Variants in IPCEF1 observed in about 807,000 individuals in gnomAD.
The protein encoded by IPCEF1 is interaction protein for cytohesin exchange factors 1, also known as interactor protein for cytohesin exchange factors 1.
IPCEF1 carries 31 observed loss-of-function variants against 50.9 expected under a neutral mutation model. The observed-to-expected ratio is 0.61, with a 90% confidence interval of 0.46 to 0.82. The LOEUF is 0.82. IPCEF1 is among the 40% of genes least tolerant of loss of function. IPCEF1 has a pLI of 0.00. For missense variants in IPCEF1, 458 were observed against 514.0 expected (o/e 0.89, Z 1.05); for synonymous variants, 181 against 192.0 (o/e 0.94, Z 0.47).
chr6:154,345,848 T>C (rs1334401446), intron 1 of IPCEF1, among the ~76,000 whole-genome samples: 1 of 106,678 alleles, frequency 9.4e-6, no homozygotes, highest in Non-Finnish European at 2.4e-5. Context: ...AATACACTTT[T>C]ATCTCATTTT....
chr6:154,259,570 T>G (rs983708244), intron 3 of IPCEF1, among the ~76,000 whole-genome samples: 21 of 152,066 alleles, frequency 1.4e-4, no homozygotes, highest in African/African-American at 5.1e-4. Context: ...GAAAATCACT[T>G]GAACCTGGGA....
intron 7 of IPCEF1, among the ~76,000 whole-genome samples, chr6:154,218,719 C>T (rs138865945): frequency 2.5e-3 from 388 of 152,266 alleles, no homozygotes; most frequent in African/African-American, 9.0e-3. Context: ...TAATGAAACT[C>T]TATAATGATA....
intron 9 of IPCEF1, among the ~76,000 whole-genome samples, chr6:154,208,755 A>C (rs181995320): frequency 1.8e-4 from 27 of 152,364 alleles, no homozygotes; most frequent in Non-Finnish European, 3.7e-4. Context: ...TTTGTAGCTT[A>C]TAAAATTATC....
At chr6:154,221,521 TTA>T (rs1778856810) in intron 6 of IPCEF1, among the ~76,000 whole-genome samples, 193 bp from the exon 7 acceptor site, 1 of 152,234 alleles carries the variant, frequency 6.6e-6, no homozygotes, top group Non-Finnish European at 1.5e-5. Flanking sequence ...AGTCAATTTT[TTA>T]TGTCAGAACG....
intron 1 of IPCEF1, among the ~76,000 whole-genome samples, chr6:154,294,866 C>T (rs543998245): frequency 6.6e-6 from 1 of 152,056 alleles, no homozygotes; most frequent in Non-Finnish European, 1.5e-5. Flanking sequence ...AGTGAAACCC[C>T]ATCTCTTTTA....
chr6:154,349,528 C>T (rs1001771743), intron 1 of IPCEF1, among the ~76,000 whole-genome samples: 1 of 152,044 alleles, frequency 6.6e-6, no homozygotes, highest in African/African-American at 2.4e-5. Flanking sequence ...GATCCTCACA[C>T]CTCAGACTCC....
At chr6:154,336,002 T>C (rs554800932) in intron 1 of IPCEF1, among the ~76,000 whole-genome samples, 2 of 152,248 alleles carry the variant, frequency 1.3e-5, no homozygotes, top group East Asian at 1.9e-4. Flanking sequence ...ATGGCTATTA[T>C]TTAAAAAACA....
intron 2 of IPCEF1, among the ~76,000 whole-genome samples, chr6:154,282,501 T>A (rs1207381311): frequency 2.0e-5 from 3 of 151,938 alleles, no homozygotes; most frequent in Non-Finnish European, 2.9e-5. Context: ...GCTAACACGG[T>A]GAAACCCTAT....
At chr6:154,338,619 A>G (rs529141627) in intron 1 of IPCEF1, among the ~76,000 whole-genome samples, 2 of 152,322 alleles carry the variant, frequency 1.3e-5, no homozygotes, top group South Asian at 4.1e-4. Context: ...GTGGGCTGAT[A>G]AACGTCTGAT....
chr6:154,304,851 C>T (rs921153893), intron 1 of IPCEF1, among the ~76,000 whole-genome samples: 20 of 152,170 alleles, frequency 1.3e-4, no homozygotes, highest in Non-Finnish European at 2.2e-4. Flanking sequence ...CGGTGGCTCA[C>T]GCCTGTAATC....
chr6:154,206,900 A>G (rs1180452781), intron 9 of IPCEF1, among the ~76,000 whole-genome samples: 1 of 152,238 alleles, frequency 6.6e-6, no homozygotes, highest in Non-Finnish European at 1.5e-5. Context: ...CAAGACTGCA[A>G]TGGCAGCCTG....
intron 1 of IPCEF1, among the ~76,000 whole-genome samples, chr6:154,292,807 C>A (rs1450191281): frequency 6.6e-6 from 1 of 151,998 alleles, no homozygotes; most frequent in East Asian, 1.9e-4. Context: ...TAAAAGTGGG[C>A]GATATGTTAA....
intron 1 of IPCEF1, among the ~76,000 whole-genome samples, chr6:154,297,827 T>C (rs967793513): frequency 6.6e-6 from 1 of 152,226 alleles, no homozygotes; most frequent in Non-Finnish European, 1.5e-5. Flanking sequence ...TTTTGGCTGC[T>C]TGAGAAGTCA....
intron 4 of IPCEF1, chr6:154,246,978 C>G: frequency 2.1e-6 from 1 of 481,450 alleles, no homozygotes; most frequent in Non-Finnish European, 3.4e-6. Flanking sequence ...TATTTTTAAA[C>G]ATTTGTTTCA....
chr6:154,222,128 G>A (rs1305868289), intron 6 of IPCEF1, among the ~76,000 whole-genome samples: 1 of 152,150 alleles, frequency 6.6e-6, no homozygotes, highest in African/African-American at 2.4e-5. Context: ...CTTATTCAAG[G>A]CACCCTTTGT....
intron 3 of IPCEF1, among the ~76,000 whole-genome samples, chr6:154,262,863 A>C (rs1583919078): frequency 7.5e-6 from 1 of 133,900 alleles, no homozygotes; most frequent in South Asian, 2.3e-4. Flanking sequence ...TGCAACCTCC[A>C]CCTCCCGGGT....
chr6:154,315,006 G>A (rs1198096182), intron 1 of IPCEF1, among the ~76,000 whole-genome samples: 4 of 151,570 alleles, frequency 2.6e-5, no homozygotes, highest in Non-Finnish European at 4.4e-5. Context: ...TTAGCCTCCC[G>A]AGTAGCTGAG....
At position 154,271,869 on chromosome 6, in the gene IPCEF1, C is replaced by A. The variant is rs868445567; in HGVS notation, c.-17-5905G>T. On this transcript the variant is annotated intron_variant, in intron 2 of 11. Coordinates refer to ENST00000367220, the MANE Select transcript of IPCEF1 (RefSeq NM_001130700.2). ...GGGTATGGTGATGTGCACCTGTAGC[C>A]CCAGCTACTCAGGAGGCTAAGGTGG... Among the ~76,000 whole-genome samples the A allele has an allele frequency of 5.9e-5, 9 of 152,220 alleles. 1 individual carries two copies. In the Middle Eastern group the frequency reaches 0.014, roughly 230 times the overall value.
At chr6:154,208,956 T>A (rs1399386174) in intron 9 of IPCEF1, among the ~76,000 whole-genome samples, 1 of 152,198 alleles carries the variant, frequency 6.6e-6, no homozygotes, top group Non-Finnish European at 1.5e-5. Flanking sequence ...CTTTCCACTA[T>A]CAACCCTCTG....
Sources: gnomAD v4.1 joint callset for allele counts (sites outside exome capture counted in the v4.1 genomes callset) on GRCh38, gnomAD v4.1.1 for gene constraint, MANE v1.5 for transcripts, NCBI Gene and HGNC (gene_info 2026-07-23, HGNC 2026-07-21) for gene names.